Variants in MCU observed in about 807,000 individuals in gnomAD.
MCU encodes the protein calcium uniporter protein, mitochondrial.
MCU carries 12 observed loss-of-function variants against 45.2 expected under a neutral mutation model. The ratio of observed to expected loss-of-function variants is 0.27; its 90% CI spans 0.17 to 0.43. MCU has a LOEUF of 0.43. Ranked by LOEUF, MCU falls within the 20% of genes least tolerant of loss-of-function variation. The pLI, the probability that MCU is intolerant of heterozygous loss-of-function variation, is 1.00. For missense variants in MCU, 324 were observed against 436.7 expected, an observed-to-expected ratio of 0.74 and a Z score of 2.30; for synonymous variants, 160 against 165.1, an observed-to-expected ratio of 0.97 and a Z score of 0.24.
At chr10:72,738,015 A>G (rs763127100) in intron 1 of MCU, among the ~76,000 whole-genome samples, 8 of 152,190 alleles carry the variant, frequency 5.3e-5, no homozygotes, top group African/African-American at 9.7e-5. Context: ...AGTAGTCTTT[A>G]GGACTTACAG....
chr10:72,774,326 G>A (rs1802126977), intron 1 of MCU, among the ~76,000 whole-genome samples: 1 of 152,000 alleles, frequency 6.6e-6, no homozygotes, highest in Non-Finnish European at 1.5e-5. Context: ...TTTGATCTAA[G>A]TTCTCATCTC....
intron 1 of MCU, among the ~76,000 whole-genome samples, chr10:72,798,972 C>CTCTCGACTG (rs1844295026): frequency 6.6e-6 from 1 of 152,080 alleles, no homozygotes; most frequent in Non-Finnish European, 1.5e-5. Flanking sequence ...GAGACGGAGT[C>CTCTCGACTG]TCACTCTGTC....
At chr10:72,762,454 A>C (rs1281924543) in intron 1 of MCU, among the ~76,000 whole-genome samples, 1 of 152,020 alleles carries the variant, frequency 6.6e-6, no homozygotes, top group Non-Finnish European at 1.5e-5. Flanking sequence ...AACTACATAC[A>C]TGCAAGTTCC....
chr10:72,814,153 T>C (rs910648649), intron 1 of MCU, among the ~76,000 whole-genome samples: 2 of 152,184 alleles, frequency 1.3e-5, no homozygotes, highest in Admixed American at 1.3e-4. Context: ...AACAAGGGAC[T>C]TTAGTAATGG....
At chr10:72,869,953 TA>T in intron 5 of MCU, among the ~76,000 whole-genome samples, 1 of 152,298 alleles carries the variant, frequency 6.6e-6, no homozygotes, top group South Asian at 2.1e-4. Context: ...ATCCAATTTT[TA>T]AATGTGTTAT....
intron 1 of MCU, among the ~76,000 whole-genome samples, chr10:72,806,677 GA>G (rs1300658744): frequency 6.6e-6 from 1 of 152,204 alleles, no homozygotes; most frequent in Non-Finnish European, 1.5e-5. Flanking sequence ...CACATAATGT[GA>G]AGTTCCAAGA....
chr10:72,753,600 C>T (rs181288057), intron 1 of MCU, among the ~76,000 whole-genome samples: 24 of 152,238 alleles, frequency 1.6e-4, no homozygotes, highest in Admixed American at 8.5e-4. Context: ...ATGGGCCGGG[C>T]GTAATGGCTT....
At chr10:72,721,190 G>A (rs1461537524) in intron 1 of MCU, 1 of 154,180 alleles carries the variant, frequency 6.5e-6, no homozygotes, top group African/African-American at 2.4e-5. Context: ...TCGTAATTCA[G>A]CAGTGGGAAT....
intron 1 of MCU, among the ~76,000 whole-genome samples, chr10:72,705,433 G>A (rs1394002698): frequency 6.6e-6 from 1 of 152,164 alleles, no homozygotes; most frequent in Non-Finnish European, 1.5e-5. Flanking sequence ...TGTAATCCCA[G>A]CACTTTGGGA....
intron 1 of MCU, among the ~76,000 whole-genome samples, chr10:72,734,314 G>A (rs1843221413): frequency 6.6e-6 from 1 of 152,186 alleles, no homozygotes; most frequent in Non-Finnish European, 1.5e-5. Context: ...CTGGCCACAT[G>A]TGACTTGAGG....
At chr10:72,699,322 TG>T (rs928246891) in intron 1 of MCU, among the ~76,000 whole-genome samples, 1 of 151,946 alleles carries the variant, frequency 6.6e-6, no homozygotes, top group Non-Finnish European at 1.5e-5. Context: ...CTGACTAATA[TG>T]GTGAAACCCC....
At chr10:72,833,989 G>A (rs866689635) in intron 1 of MCU, among the ~76,000 whole-genome samples, 46 of 152,118 alleles carry the variant, frequency 3.0e-4, no homozygotes, top group Admixed American at 9.2e-4. Flanking sequence ...AAAGGTAACC[G>A]GAGGAAGAAA....
intron 1 of MCU, among the ~76,000 whole-genome samples, chr10:72,830,715 C>T (rs894493534): frequency 1.2e-4 from 19 of 152,160 alleles, no homozygotes; most frequent in African/African-American, 4.6e-4. Flanking sequence ...ATCTTCAGCA[C>T]AACTAGGGAG....
In MCU at chr10:72,838,447, T is replaced by TA. The variant is rs1347942265; in HGVS notation, c.220+4025dup. Among the ~76,000 whole-genome samples the TA allele has an allele frequency of 7.2e-5, 11 of 151,992 alleles. No individual in the cohort carries two copies. The East Asian group carries it at 2.1e-3, about 30-fold the overall frequency. The stretch of plus-strand genomic sequence containing the variant: ...TGGGCAACATAGACCTCATCTCTAC[T>TA]AAAAAATACAAAAATTAGCTGGGCG... On this transcript the variant is annotated intron_variant, in intron 2 of 7. Coordinates refer to ENST00000373053, the MANE Select transcript of MCU (RefSeq NM_138357.3).
At chr10:72,873,154 G>A (rs534351044) in intron 6 of MCU, among the ~76,000 whole-genome samples, 1 of 151,488 alleles carries the variant, frequency 6.6e-6, no homozygotes, top group Non-Finnish European at 1.5e-5. Flanking sequence ...GAATAGCTGG[G>A]ACTACAGATG....
chr10:72,874,045 C>A (rs1033891190), intron 6 of MCU, among the ~76,000 whole-genome samples: 1 of 152,156 alleles, frequency 6.6e-6, no homozygotes, highest in African/African-American at 2.4e-5. Context: ...ATGCCTCTAG[C>A]TTTGTTCTTT....
At chr10:72,850,270 A>G (rs1051408579) in intron 2 of MCU, among the ~76,000 whole-genome samples, 2 of 152,188 alleles carry the variant, frequency 1.3e-5, no homozygotes, top group Non-Finnish European at 2.9e-5. Context: ...CTGAAATTCT[A>G]TGATTATATC....
intron 1 of MCU, among the ~76,000 whole-genome samples, chr10:72,759,127 A>G (rs957902783): frequency 6.6e-6 from 1 of 152,108 alleles, no homozygotes; most frequent in African/African-American, 2.4e-5. Flanking sequence ...TCAAACACCA[A>G]CTTAAAGAGG....
chr10:72,705,408 G>A (rs932521806), intron 1 of MCU, among the ~76,000 whole-genome samples: 5 of 152,122 alleles, frequency 3.3e-5, no homozygotes, highest in African/African-American at 1.2e-4. Flanking sequence ...TGGGTTGGGC[G>A]CTGTGGCTCA....
Sources: allele counts gnomAD v4.1 joint callset (sites outside exome capture counted in the v4.1 genomes callset), GRCh38; gene constraint gnomAD v4.1.1; transcripts MANE v1.5; gene names NCBI Gene and HGNC (gene_info 2026-07-23, HGNC 2026-07-21).